The following FHOD3 variants were observed in gnomAD, a reference collection of about 807,000 sequenced individuals.
FHOD3 encodes the protein formin homology 2 domain containing 3, also known as FH1/FH2 domain-containing protein 3.
In FHOD3, 90 loss-of-function variants were observed where a neutral mutation model predicts 173.0. The observed-to-expected ratio is 0.52, with a 90% confidence interval of 0.44 to 0.62. The LOEUF (loss-of-function observed/expected upper bound fraction) is 0.62, where lower values mean the gene tolerates loss of function less well. FHOD3 is among the 20% of genes least tolerant of loss of function. The probability of loss-of-function intolerance (pLI) is 0.00; values close to 1 mark genes in which losing one functional copy is unlikely to be tolerated. For synonymous variants in FHOD3, 828 were observed against 823.0 expected (o/e 1.01, Z -0.10); for missense variants, 1,945 against 2,034.7 (o/e 0.96, Z 0.85).
At chr18:36,729,409 G>C (rs1295487804) in intron 19 of FHOD3, among the ~76,000 whole-genome samples, 2 of 152,192 alleles carry the variant, frequency 1.3e-5, no homozygotes, top group Non-Finnish European at 2.9e-5. Flanking sequence ...CAGTGACAGG[G>C]TTGACTCATC....
intron 3 of FHOD3, among the ~76,000 whole-genome samples, chr18:36,481,836 T>A (rs78802045): frequency 0.016 from 2,488 of 152,302 alleles, 72 homozygotes; most frequent in African/African-American, 0.055. Flanking sequence ...CTTTGCACTA[T>A]TGAATCAGAG....
rs145905277 is a variant in FHOD3 at position 36,506,656 on chromosome 18, A to C, written c.405+4657A>C. The stretch of plus-strand genomic sequence containing the variant: ...AAATAGCTAAAATGTTTCTGAATCA[A>C]GGTGATCTTATATAAGTGATAATGA... On this transcript the variant is annotated intron_variant, in intron 4 of 28. Transcript: ENST00000590592. Among the ~76,000 whole-genome samples, 1,188 of 152,348 alleles carry C rather than the reference A, an allele frequency of 7.8e-3. 17 individuals carry two copies. The highest frequency in any genetic ancestry group is 0.027 in the African/African-American group (1,138 of 41,562).
chr18:36,759,628 G>T (rs1469861812), intron 26 of FHOD3, among the ~76,000 whole-genome samples: 1 of 152,184 alleles, frequency 6.6e-6, no homozygotes, highest in African/African-American at 2.4e-5. Flanking sequence ...GCTCCCATGG[G>T]CCAACGTCCA....
chr18:36,680,341 C>T (rs1404674144), intron 14 of FHOD3, among the ~76,000 whole-genome samples: 3 of 152,212 alleles, frequency 2.0e-5, no homozygotes, highest in African/African-American at 7.2e-5. Flanking sequence ...TGTTCCCCAC[C>T]TTGCAGGTAT....
At chr18:36,598,328 C>A (rs2030812232) in intron 7 of FHOD3, among the ~76,000 whole-genome samples, 3 of 152,110 alleles carry the variant, frequency 2.0e-5, no homozygotes, top group Admixed American at 2.0e-4. Flanking sequence ...CCTCAAAAAT[C>A]ATTACTACCT....
At position 36,355,663 on chromosome 18, in the gene FHOD3, C is replaced by G. The variant is rs759621167; in HGVS notation, c.272+18C>G. The G allele has an allele frequency of 6.2e-7, 1 of 1,605,212 alleles. No homozygotes were observed. Among genetic ancestry groups the G allele is most frequent in the South Asian group, 1.1e-5 (1 of 90,866 alleles). ...GACGCCGGGTAAGAGCAACTGTTCA[C>G]CCTGCTGACTGGTCCCCACCTACCA... On this transcript the variant is annotated intron_variant, in intron 2 of 28. Transcript: ENST00000590592.
intron 5 of FHOD3, among the ~76,000 whole-genome samples, chr18:36,568,410 A>G (rs1156257355): frequency 2.0e-5 from 3 of 147,410 alleles, no homozygotes; most frequent in East Asian, 3.9e-4. Context: ...TATCAGGAAT[A>G]TAATGGAGAA....
intron 14 of FHOD3, among the ~76,000 whole-genome samples, chr18:36,670,160 A>T (rs1201588220): frequency 6.6e-6 from 1 of 151,888 alleles, no homozygotes; most frequent in Non-Finnish European, 1.5e-5. Flanking sequence ...GGCTGCTTTT[A>T]AGGTTAACTC....
At chr18:36,486,728 C>T (rs1288634403) in intron 3 of FHOD3, among the ~76,000 whole-genome samples, 1 of 152,168 alleles carries the variant, frequency 6.6e-6, no homozygotes. Context: ...CATTTTAAAT[C>T]CAGTTCACCT....
intron 1 of FHOD3, among the ~76,000 whole-genome samples, chr18:36,309,645 A>G (rs612494): frequency 0.97 from 146,987 of 152,288 alleles, 71,027 homozygotes; most frequent in Non-Finnish European, 0.99. Context: ...CCCGGAAGTG[A>G]GAGAGGTTAT....
chr18:36,351,436 C>T (rs903955091), intron 1 of FHOD3, among the ~76,000 whole-genome samples: 2 of 152,080 alleles, frequency 1.3e-5, no homozygotes, highest in African/African-American at 2.4e-5. Context: ...TGAGGATGAA[C>T]GTCCACCCAT....
intron 9 of FHOD3, among the ~76,000 whole-genome samples, chr18:36,622,371 T>G (rs1247466707): frequency 6.6e-6 from 1 of 152,212 alleles, no homozygotes; most frequent in African/African-American, 2.4e-5. Flanking sequence ...AAAAAATTCT[T>G]AAGAATGTTC....
At chr18:36,309,780 C>G (rs1408914789) in intron 1 of FHOD3, among the ~76,000 whole-genome samples, 1 of 152,096 alleles carries the variant, frequency 6.6e-6, no homozygotes, top group Non-Finnish European at 1.5e-5. Flanking sequence ...TTTTTGTTCC[C>G]AGAACTGAGT....
intron 4 of FHOD3, among the ~76,000 whole-genome samples, chr18:36,511,021 G>A (rs2055607788): frequency 6.6e-6 from 1 of 152,184 alleles, no homozygotes; most frequent in Admixed American, 6.5e-5. Context: ...CTGATTTCAT[G>A]TAGGAACAGG....
At chr18:36,529,511 T>C (rs1038948465) in intron 5 of FHOD3, among the ~76,000 whole-genome samples, 1 of 152,164 alleles carries the variant, frequency 6.6e-6, no homozygotes, top group Non-Finnish European at 1.5e-5. Context: ...ATATATATGT[T>C]TTACAGATGT....
intron 1 of FHOD3, among the ~76,000 whole-genome samples, chr18:36,328,397 G>A (rs2044790022): frequency 6.6e-6 from 1 of 152,138 alleles, no homozygotes; most frequent in Non-Finnish European, 1.5e-5. Context: ...TCCTGAGATG[G>A]GAGTGTGCCT....
intron 1 of FHOD3, among the ~76,000 whole-genome samples, chr18:36,312,537 G>A (rs1318884859): frequency 2.0e-5 from 3 of 152,096 alleles, no homozygotes; most frequent in Admixed American, 6.5e-5. Context: ...CTGCCTCAGC[G>A]AGGAGCATTG....
chr18:36,638,464 C>G (rs1321762771), intron 10 of FHOD3, among the ~76,000 whole-genome samples: 1 of 152,124 alleles, frequency 6.6e-6, no homozygotes, highest in East Asian at 1.9e-4. Context: ...GCATGTGAGG[C>G]TCAGTTGTGC....
chr18:36,459,759 ACT>A (rs2052440531), intron 3 of FHOD3, among the ~76,000 whole-genome samples: 1 of 152,150 alleles, frequency 6.6e-6, no homozygotes, highest in Admixed American at 6.5e-5. Flanking sequence ...TATATCCCAC[ACT>A]GTTACCTCTA....
Sources: allele counts gnomAD v4.1 joint callset (sites outside exome capture counted in the v4.1 genomes callset), GRCh38; gene constraint gnomAD v4.1.1; transcripts MANE v1.5; gene names NCBI Gene and HGNC (gene_info 2026-07-23, HGNC 2026-07-21).